The following ACTN2 variants were observed in gnomAD, a reference collection of about 807,000 sequenced individuals.
The protein encoded by ACTN2 is alpha-actinin-2.
Under a neutral mutation model 113.8 loss-of-function variants are expected in ACTN2, and 39 were observed. The observed-to-expected ratio is 0.34, with a 90% CI of 0.27 to 0.45. ACTN2 has a LOEUF of 0.45. Among genes scored for constraint, ACTN2 ranks in the 20% least tolerant of loss-of-function variants. ACTN2 has a pLI of 1.00. For missense variants in ACTN2, 992 were observed against 1,177.9 expected (o/e 0.84, Z 2.31); for synonymous variants, 429 against 444.1 (o/e 0.97, Z 0.43).
intron 1 of ACTN2, among the ~76,000 whole-genome samples, chr1:236,700,334 C>G (rs1657636347): frequency 6.6e-6 from 1 of 152,136 alleles, no homozygotes; most frequent in Non-Finnish European, 1.5e-5. Context: ...AGGCATGCAC[C>G]ACCACACCCA....
intron 1 of ACTN2, among the ~76,000 whole-genome samples, chr1:236,691,190 A>G (rs994726245): frequency 2.0e-5 from 3 of 151,466 alleles, no homozygotes; most frequent in Non-Finnish European, 4.4e-5. Flanking sequence ...TGATCTGCCC[A>G]CCTCGGCCTC....
At chr1:236,742,780 A>G (rs1659110640) in intron 10 of ACTN2, 116 bp from the exon 11 acceptor site, 2 of 1,363,534 alleles carry the variant, frequency 1.5e-6, no homozygotes, top group Non-Finnish European at 2.1e-6. Context: ...AAAAGAAAAC[A>G]AAAGGAAAAC....
intron 15 of ACTN2, among the ~76,000 whole-genome samples, chr1:236,752,166 A>C (rs944082811): frequency 6.6e-6 from 1 of 152,202 alleles, no homozygotes; most frequent in Non-Finnish European, 1.5e-5. Flanking sequence ...TATGGTCCAA[A>C]TGGGATAATT....
In ACTN2 at chr1:236,754,890, GTGACACTGGCCGCTGCC is replaced by G; in HGVS notation, c.1975-124_1975-108del. On this transcript the variant is annotated intron_variant, in intron 16 of 20. Coordinates refer to ENST00000366578, the MANE Select transcript of ACTN2 (RefSeq NM_001103.4). This position sits in a 1 kb window ranked among gnomAD's most constrained non-coding sequence, Gnocchi z 4.9. ...ACTTCCTCTGAGAAAAGTGAACCGAGTGACACTGGCCGCTGCCTGACGCTGGCCTAGCATCCCATGCA... is the reference window on the plus strand; with the variant it reads ...ACTTCCTCTGAGAAAAGTGAACCGAGTGACGCTGGCCTAGCATCCCATGCA... The G allele has an allele frequency of 9.4e-7, 1 of 1,061,212 alleles. No homozygotes were observed. The highest frequency in any genetic ancestry group is 1.5e-6 in the Non-Finnish European group (1 of 681,824). The allele number at this position is 1,061,212 out of a possible 1,614,324, so 65.7% of individuals were successfully genotyped here.
intron 4 of ACTN2, among the ~76,000 whole-genome samples, chr1:236,723,921 A>G (rs1271906208): frequency 6.6e-6 from 1 of 152,214 alleles, no homozygotes; most frequent in Non-Finnish European, 1.5e-5. Flanking sequence ...CCTAAGTTAT[A>G]TAAGTGGCTT....
intron 1 of ACTN2, among the ~76,000 whole-genome samples, chr1:236,699,357 A>C (rs1317103937): frequency 2.6e-5 from 4 of 152,168 alleles, no homozygotes; most frequent in African/African-American, 7.2e-5. Context: ...CCATATTGTC[A>C]TTCCAAGATT....
Position 236,737,315 on chromosome 1 carries a change from A to ATATATATATG in ACTN2, c.876+104_876+105insATATATGTAT, listed in dbSNP as rs1428788821. On this transcript the variant is annotated intron_variant, in intron 9 of 20. Coordinates refer to ENST00000366578, the MANE Select transcript of ACTN2 (RefSeq NM_001103.4). The stretch of plus-strand genomic sequence containing the variant: ...CGTGGGGGCATATATATATATATAT[A>ATATATATATG]TATTTTGCATTTTTCATCTCAGATA... 22 of 294,996 alleles carry ATATATATATG rather than the reference A, an allele frequency of 7.5e-5. 2 individuals are homozygous for ATATATATATG. Among genetic ancestry groups the ATATATATATG allele is most frequent in the African/African-American group, 4.6e-4 (20 of 43,566 alleles). 18.3% of individuals were successfully genotyped at this position (294,996 alleles called of 1,614,324 possible).
intron 18 of ACTN2, 49 bp downstream of exon 18, chr1:236,757,681 T>G: frequency 1.2e-6 from 2 of 1,608,718 alleles, no homozygotes; most frequent in South Asian, 2.2e-5. Context: ...CATTAAACAA[T>G]GTATCTGAAA....
intron 1 of ACTN2, among the ~76,000 whole-genome samples, chr1:236,687,101 C>G (rs975739239): frequency 5.9e-5 from 9 of 152,246 alleles, no homozygotes; most frequent in Non-Finnish European, 5.9e-5. Flanking sequence ...CTGCTCCTGA[C>G]CCCTTGAGTC....
In ACTN2 at chr1:236,717,290, A is replaced by G. The variant is rs549893471; in HGVS notation, c.127-568A>G. Among the ~76,000 whole-genome samples the G allele has an allele frequency of 1.2e-4, 18 of 152,178 alleles. No homozygotes were observed. The East Asian group carries it at 3.1e-3, about 27-fold the overall frequency. Reference sequence around the variant, plus strand: ...AAGACCCCATCTCTAAAAAAAAATTAGCTAGGTGTGGTCGTGCATGCCTAT... The same window carrying G: ...AAGACCCCATCTCTAAAAAAAAATTGGCTAGGTGTGGTCGTGCATGCCTAT... On this transcript the variant is annotated intron_variant, in intron 1 of 20. Transcript: ENST00000366578.
chr1:236,742,852 G>A (rs1659113027), intron 10 of ACTN2, 44 bp from the exon 11 acceptor site: 1 of 1,612,696 alleles, frequency 6.2e-7, no homozygotes, highest in African/African-American at 1.3e-5. Context: ...TGTAACGAAG[G>A]TGCTTGTTAC....
chr1:236,708,890 A>T (rs2102879339), intron 1 of ACTN2, among the ~76,000 whole-genome samples: 1 of 152,088 alleles, frequency 6.6e-6, no homozygotes. Context: ...TTCCTCTTCC[A>T]CTTTAGTCAG....
At position 236,763,303 on chromosome 1, in the gene ACTN2, A is replaced by T. The variant is rs1486744091; in HGVS notation, c.*684A>T. On this transcript the variant is annotated 3_prime_UTR_variant, in exon 21 of 21. Coordinates refer to ENST00000366578, the MANE Select transcript of ACTN2 (RefSeq NM_001103.4). Reference sequence around the variant, plus strand: ...TTTGATGCTTCTCTTATCCTCCAGAATAGAGACCTAAGGACACGTGGAAGT... The same window carrying T: ...TTTGATGCTTCTCTTATCCTCCAGATTAGAGACCTAAGGACACGTGGAAGT... 1.3e-5 allele frequency: 2 copies of T among 154,458 alleles called. No homozygotes were observed. The highest frequency in any genetic ancestry group is 1.4e-5 in the Non-Finnish European group (1 of 69,588). 9.6% of individuals were successfully genotyped at this position (154,458 alleles called of 1,614,324 possible).
At chr1:236,727,885 C>A in intron 6 of ACTN2, 129 bp downstream of exon 6, 1 of 814,958 alleles carries the variant, frequency 1.2e-6, no homozygotes, top group Non-Finnish European at 2.1e-6. Flanking sequence ...CAGGAAAAAG[C>A]ACATTCTCCC....
chr1:236,738,993 G>T (rs949326475), intron 9 of ACTN2, among the ~76,000 whole-genome samples: 34 of 152,044 alleles, frequency 2.2e-4, no homozygotes, highest in Admixed American at 3.3e-4. Flanking sequence ...TAATTTGAAA[G>T]CTCCATCCAG....
At chr1:236,687,318 G>A (rs1665910530) in intron 1 of ACTN2, among the ~76,000 whole-genome samples, 1 of 152,192 alleles carries the variant, frequency 6.6e-6, no homozygotes, top group Non-Finnish European at 1.5e-5. Context: ...TTTACCGATA[G>A]TGACAATTAT....
At position 236,744,633 on chromosome 1, in the gene ACTN2, G is replaced by A. The variant is rs572642643; in HGVS notation, c.1263G>A (p.Glu421=). 5.0e-6 allele frequency: 8 copies of A among 1,614,170 alleles called. No individual in the cohort carries two copies. In the East Asian group the frequency reaches 8.9e-5, roughly 18 times the overall value. Residue 421 remains glutamate (E), a synonymous_variant, in exon 12 of 21, where the codon GAG becomes GAA. Coordinates refer to ENST00000366578, the MANE Select transcript of ACTN2 (RefSeq NM_001103.4). The part of the protein sequence containing the change: ...STHETWAYGK[E]QILLQKDYES... ...TTGCTACCACCTTTGCAGGCAAAGA[G>A]CAGATCTTGCTGCAGAAGGATTACG...
In ACTN2 at chr1:236,718,120, C is replaced by A. The variant is rs1658275952; in HGVS notation, c.241+148C>A. The A allele has an allele frequency of 1.3e-5, 9 of 681,184 alleles. No homozygotes were observed. In the East Asian group the frequency reaches 2.2e-4, roughly 17 times the overall value. 42.2% of individuals were successfully genotyped at this position (681,184 alleles called of 1,614,324 possible). A position where few individuals can be genotyped will look rare whatever the true frequency, so the allele number is the denominator to read the frequency against. The stretch of plus-strand genomic sequence containing the variant: ...AAAGAAAACCTTTCCAAAGAACAAT[C>A]TGCCTGGAGTTATTTTTCCGTTCTA... On this transcript the variant is annotated intron_variant, in intron 2 of 20. Transcript: ENST00000366578.
In ACTN2 at chr1:236,744,055, G is replaced by A. The variant is rs116447369; in HGVS notation, c.1256-571G>A. 9.4e-3 allele frequency among the ~76,000 whole-genome samples: 1,437 copies of A among 152,248 alleles called. 9 individuals are homozygous for A. Among genetic ancestry groups the A allele is most frequent in the Middle Eastern group, 0.024 (7 of 294 alleles). On this transcript the variant is annotated intron_variant, in intron 11 of 20. Transcript: ENST00000366578. Reference sequence around the variant, plus strand: ...CCAGGGGATAAATGTGGATCCACTCGTGACCACAGCAGTTACTGGATTTAA... The same window carrying A: ...CCAGGGGATAAATGTGGATCCACTCATGACCACAGCAGTTACTGGATTTAA...
Sources: allele counts gnomAD v4.1 joint callset (sites outside exome capture counted in the v4.1 genomes callset), GRCh38; gene constraint gnomAD v4.1.1; non-coding constraint Gnocchi (gnomAD v3.1); transcripts MANE v1.5; gene names NCBI Gene and HGNC (gene_info 2026-07-23, HGNC 2026-07-21).